PPIG: variants seen among roughly 807,000 people sequenced by gnomAD.
The protein encoded by PPIG is peptidylprolyl isomerase G, also known as peptidyl-prolyl cis-trans isomerase G.
PPIG carries 26 observed loss-of-function variants against 87.9 expected under a neutral mutation model. The ratio of observed to expected loss-of-function variants is 0.30; its 90% confidence interval spans 0.22 to 0.41. The LOEUF (loss-of-function observed/expected upper bound fraction) is 0.41. Among genes scored for constraint, PPIG ranks in the 10% least tolerant of loss-of-function variants. The probability of loss-of-function intolerance (pLI) is 1.00; values close to 1 mark genes in which losing one functional copy is unlikely to be tolerated. For missense variants in PPIG, 722 were observed against 879.4 expected (o/e 0.82, Z 2.26); for synonymous variants, 308 against 276.5 (o/e 1.11, Z -1.13).
chr2:169,621,263 G>A (rs1193519671), intron 9 of PPIG, among the ~76,000 whole-genome samples: 1 of 151,334 alleles, frequency 6.6e-6, no homozygotes, highest in Non-Finnish European at 1.5e-5. Flanking sequence ...ATCCGAGATG[G>A]GCATGGAGAA....
At chr2:169,633,339 C>A (rs779368706) in intron 12 of PPIG, 92 bp downstream of exon 12, 10 of 1,008,294 alleles carry the variant, frequency 9.9e-6, no homozygotes, top group African/African-American at 1.6e-5. Flanking sequence ...TTTTAATGTG[C>A]AAGTAACTAA....
intron 9 of PPIG, among the ~76,000 whole-genome samples, chr2:169,617,406 T>C (rs571014515): frequency 6.6e-6 from 1 of 152,316 alleles, no homozygotes; most frequent in East Asian, 1.9e-4. Flanking sequence ...AGAAAGTCAG[T>C]TGTAGCTTGA....
At chr2:169,598,924 T>G (rs1483911793) in intron 1 of PPIG, among the ~76,000 whole-genome samples, 1 of 150,916 alleles carries the variant, frequency 6.6e-6, no homozygotes, top group Non-Finnish European at 1.5e-5. Context: ...TATATTTATA[T>G]AAATACAGGT....
chr2:169,639,095 T>A lies in PPIG; in HGVS notation c.*1572T>A, dbSNP rs1686254783. 6.6e-6 allele frequency: 1 copy of A among 152,064 alleles called. No homozygotes were observed. Among genetic ancestry groups the A allele is most frequent in the African/African-American group, 2.4e-5 (1 of 41,450 alleles). The allele number at this position is 152,064 out of a possible 1,614,324, so 9.4% of individuals were successfully genotyped here. A position where few individuals can be genotyped will look rare whatever the true frequency, so the allele number is the denominator to read the frequency against. The stretch of plus-strand genomic sequence containing the variant: ...TGGCGTTGTGGTAGCTGTTGCAGAA[T>A]GAATAGTGTAATGACCATAAGATTG... On this transcript the variant is annotated 3_prime_UTR_variant, in exon 14 of 14. Transcript: ENST00000260970.
At chr2:169,621,820 G>A (rs1201553443) in intron 9 of PPIG, among the ~76,000 whole-genome samples, 2 of 151,448 alleles carry the variant, frequency 1.3e-5, no homozygotes, top group Non-Finnish European at 2.9e-5. Flanking sequence ...GGCCAGGCAC[G>A]GTGGCTGACA....
At chr2:169,627,217 G>C (rs1685911859) in intron 9 of PPIG, among the ~76,000 whole-genome samples, 1 of 151,982 alleles carries the variant, frequency 6.6e-6, no homozygotes, top group Admixed American at 6.6e-5. Context: ...TCGTACCTCA[G>C]CCTCCCTAGT....
At chr2:169,587,921 C>T (rs961237173) in intron 1 of PPIG, among the ~76,000 whole-genome samples, 4 of 152,038 alleles carry the variant, frequency 2.6e-5, no homozygotes, top group African/African-American at 9.7e-5. Flanking sequence ...TTTGGGAGGC[C>T]GAGGCGGGTG....
chr2:169,633,326 T>C, intron 12 of PPIG, 79 bp downstream of exon 12: 4 of 1,154,320 alleles, frequency 3.5e-6, no homozygotes, highest in Non-Finnish European at 5.1e-6. Flanking sequence ...TTCTTAAATA[T>C]TATTTTAATG....
At chr2:169,598,949 C>A (rs1266601924) in intron 1 of PPIG, among the ~76,000 whole-genome samples, 1 of 149,414 alleles carries the variant, frequency 6.7e-6, no homozygotes, top group East Asian at 2.0e-4. Context: ...ATTTCTATAA[C>A]CTGTTCCTCC....
intron 12 of PPIG, chr2:169,633,475 G>C: frequency 1.8e-6 from 1 of 548,674 alleles, no homozygotes; most frequent in Non-Finnish European, 3.1e-6. Context: ...GTATAAAATG[G>C]GATCGAGGTC....
At chr2:169,633,596 C>T in intron 12 of PPIG, 1 of 316,658 alleles carries the variant, frequency 3.2e-6, no homozygotes, top group Non-Finnish European at 5.6e-6. Flanking sequence ...ACTAGAGTGT[C>T]CTCATCAGAA....
At chr2:169,593,650 C>T (rs896993072) in intron 1 of PPIG, among the ~76,000 whole-genome samples, 3 of 106,186 alleles carry the variant, frequency 2.8e-5, no homozygotes, top group African/African-American at 7.0e-5. Flanking sequence ...TGCTTTATAT[C>T]TTTTTTTTTT....
rs1378504071 is a variant in PPIG at position 169,609,079 on chromosome 2, C to T, written c.377+321C>T. Among the ~76,000 whole-genome samples the T allele has an allele frequency of 3.1e-5, 3 of 96,186 alleles. No individual in the cohort carries two copies. In the South Asian group the frequency reaches 9.7e-4, roughly 31 times the overall value. 63.1% of individuals were successfully genotyped at this position (96,186 alleles called of 152,430 possible). A position where few individuals can be genotyped will look rare whatever the true frequency, so the allele number is the denominator to read the frequency against. On this transcript the variant is annotated intron_variant, in intron 7 of 13. Transcript: ENST00000260970. ...AGCCTGGGTGACAGAGCAAGACTGT[C>T]TCAAAAAAAAAAAAAAAAAAATCCC...
chr2:169,634,649 TC>T (rs1168067042), intron 12 of PPIG, among the ~76,000 whole-genome samples: 1 of 152,148 alleles, frequency 6.6e-6, no homozygotes, highest in African/African-American at 2.4e-5. Context: ...AATCTGATTC[TC>T]CCCTTTCAGT....
At chr2:169,633,765 A>G (rs902395197) in intron 12 of PPIG, among the ~76,000 whole-genome samples, 2 of 151,970 alleles carry the variant, frequency 1.3e-5, no homozygotes, top group African/African-American at 4.8e-5. Flanking sequence ...CCATGTCACA[A>G]ATTCCAGTGG....
At chr2:169,587,428 G>GATGGGGTTTCACCATGTTGGTT (rs1292452583) in intron 1 of PPIG, among the ~76,000 whole-genome samples, 1 of 151,708 alleles carries the variant, frequency 6.6e-6, no homozygotes, top group Non-Finnish European at 1.5e-5. Flanking sequence ...TTTTTATAGA[G>GATGGGGTTTCACCATGTTGGTT]ATGGGGTTTC....
intron 7 of PPIG, 141 bp downstream of exon 7, chr2:169,608,899 G>A (rs913207239): frequency 1.3e-4 from 59 of 466,362 alleles, no homozygotes; most frequent in East Asian, 1.1e-3. Context: ...TGGCTAACAC[G>A]GTGAAACCCC....
chr2:169,601,917 A>C (rs2105483820), intron 1 of PPIG, among the ~76,000 whole-genome samples: 1 of 152,092 alleles, frequency 6.6e-6, no homozygotes, highest in East Asian at 1.9e-4. Context: ...AAAAAAAAAA[A>C]ACTCAGTAAC....
chr2:169,623,001 A>G lies in PPIG; in HGVS notation c.548-7773A>G, dbSNP rs950723702. Among the ~76,000 whole-genome samples the G allele has an allele frequency of 5.3e-5, 8 of 152,026 alleles. No homozygotes were observed. In the East Asian group the frequency reaches 1.2e-3, roughly 22 times the overall value. ...GAAATCTGACAGTCTTGGTCCATCTATATGTGTTCTTGGGGAGTCTGGGCA... is the reference window on the plus strand; with the variant it reads ...GAAATCTGACAGTCTTGGTCCATCTGTATGTGTTCTTGGGGAGTCTGGGCA... On this transcript the variant is annotated intron_variant, in intron 9 of 13. Coordinates refer to ENST00000260970, the MANE Select transcript of PPIG (RefSeq NM_004792.3).
Sources: allele counts gnomAD v4.1 joint callset (sites outside exome capture counted in the v4.1 genomes callset), GRCh38; gene constraint gnomAD v4.1.1; transcripts MANE v1.5; gene names NCBI Gene and HGNC (gene_info 2026-07-23, HGNC 2026-07-21).